The following RNU2-2 variants were observed in gnomAD, a reference collection of about 807,000 sequenced individuals.
RNU2-2 encodes RNA, U2 small nuclear 2, pseudogene.
the RNU2-2 span, chr11:62,841,682 GCTCCTATTCCAT>G: frequency 5.3e-5 from 8 of 152,104 alleles, no homozygotes; most frequent in East Asian, 1.9e-4. Flanking sequence ...GACGGAGCAA[GCTCCTATTCCAT>G]CTCCTATTTC....
chr11:62,841,697 C>T, the RNU2-2 span: 106 of 152,324 alleles, frequency 7.0e-4, no homozygotes, highest in East Asian at 9.7e-4. Flanking sequence ...TATTCCATCT[C>T]CTATTTCCAA....
chr11:62,841,746 T>C, the RNU2-2 span: 20 of 152,212 alleles, frequency 1.3e-4, no homozygotes, highest in Admixed American at 4.6e-4. Context: ...AGAGGACGTA[T>C]CAGATATTAA....
the RNU2-2 span, chr11:62,841,696 T>G: frequency 6.6e-6 from 1 of 152,208 alleles, no homozygotes; most frequent in Non-Finnish European, 1.5e-5. Context: ...CTATTCCATC[T>G]CCTATTTCCA....
At chr11:62,841,693 ATCTCCTATTTCC>A in the RNU2-2 span, 2 of 152,170 alleles carry the variant, frequency 1.3e-5, no homozygotes, top group Non-Finnish European at 2.9e-5. Context: ...CTCCTATTCC[ATCTCCTATTTCC>A]AAAAATCCAT....
chr11:62,841,729 C>G, the RNU2-2 span: 4 of 152,242 alleles, frequency 2.6e-5, no homozygotes, highest in African/African-American at 4.8e-5. Flanking sequence ...ATATATTGTC[C>G]TCGGATAGAG....
At chr11:62,841,686 C>CT in the RNU2-2 span, 3 of 151,962 alleles carry the variant, frequency 2.0e-5, no homozygotes, top group Admixed American at 1.3e-4. Flanking sequence ...GAGCAAGCTC[C>CT]TATTCCATCT....
At chr11:62,841,640 A>T in the RNU2-2 span, 10 of 152,360 alleles carry the variant, frequency 6.6e-5, no homozygotes, top group Non-Finnish European at 7.3e-5. Context: ...CGTTCCTGGA[A>T]GTACTGCAAT....
chr11:62,841,706 A>G, the RNU2-2 span: 3 of 152,356 alleles, frequency 2.0e-5, no homozygotes, highest in African/African-American at 4.8e-5. Flanking sequence ...TCCTATTTCC[A>G]AAAATCCATT....
At chr11:62,841,727 T>C in the RNU2-2 span, 29 of 152,308 alleles carry the variant, frequency 1.9e-4, no homozygotes, top group South Asian at 4.1e-4. Flanking sequence ...TAATATATTG[T>C]CCTCGGATAG....
At chr11:62,841,650 T>G in the RNU2-2 span, 2 of 152,336 alleles carry the variant, frequency 1.3e-5, no homozygotes, top group Admixed American at 6.5e-5. Context: ...AGTACTGCAA[T>G]ACCAGGTCGA....
At chr11:62,841,654 A>G in the RNU2-2 span, 4 of 152,366 alleles carry the variant, frequency 2.6e-5, no homozygotes, top group East Asian at 5.8e-4. Context: ...CTGCAATACC[A>G]GGTCGATGCG....
chr11:62,841,733 G>T, the RNU2-2 span: 2 of 152,128 alleles, frequency 1.3e-5, no homozygotes, highest in Admixed American at 6.5e-5. Context: ...ATTGTCCTCG[G>T]ATAGAGGACG....
chr11:62,841,747 C>T, the RNU2-2 span: 4 of 152,144 alleles, frequency 2.6e-5, no homozygotes, highest in Non-Finnish European at 5.9e-5. Context: ...GAGGACGTAT[C>T]AGATATTAAA....
chr11:62,841,695 C>G, the RNU2-2 span: 4 of 152,340 alleles, frequency 2.6e-5, no homozygotes, highest in Middle Eastern at 3.4e-3. Context: ...CCTATTCCAT[C>G]TCCTATTTCC....
At chr11:62,841,694 T>A in the RNU2-2 span, 14 of 152,132 alleles carry the variant, frequency 9.2e-5, no homozygotes, top group African/African-American at 2.7e-4. Context: ...TCCTATTCCA[T>A]CTCCTATTTC....
At chr11:62,841,669 G>C in the RNU2-2 span, 7 of 152,224 alleles carry the variant, frequency 4.6e-5, no homozygotes, top group African/African-American at 9.6e-5. Flanking sequence ...GATGCGTGGA[G>C]TGGACGGAGC....
the RNU2-2 span, chr11:62,841,763 A>G: frequency 1.3e-5 from 2 of 152,260 alleles, no homozygotes; most frequent in African/African-American, 2.4e-5. Flanking sequence ...TTAAACTGAT[A>G]AGAACAGATA....
the RNU2-2 span, chr11:62,841,724 T>A: frequency 4.6e-5 from 7 of 152,200 alleles, no homozygotes; most frequent in Admixed American, 2.0e-4. Flanking sequence ...ATTTAATATA[T>A]TGTCCTCGGA....
At chr11:62,841,644 C>G in the RNU2-2 span, 4 of 152,240 alleles carry the variant, frequency 2.6e-5, no homozygotes, top group South Asian at 2.1e-4. Context: ...CCTGGAAGTA[C>G]TGCAATACCA....
Sources: gnomAD v4.1 joint callset for allele counts on GRCh38, gnomAD v4.1.1 for gene constraint, MANE v1.5 for transcripts, NCBI Gene and HGNC (gene_info 2026-07-23, HGNC 2026-07-21) for gene names.